ELAPOR2: variants seen among roughly 807,000 people sequenced by gnomAD.
ELAPOR2 encodes the protein endosome/lysosome-associated apoptosis and autophagy regulator family member 2.
In ELAPOR2, 89 loss-of-function variants were observed where a neutral mutation model predicts 120.7. The observed-to-expected ratio is 0.74, with a 90% CI of 0.62 to 0.88. The LOEUF (loss-of-function observed/expected upper bound fraction) is 0.88, where lower values mean the gene tolerates loss of function less well. ELAPOR2 is among the 40% of genes least tolerant of loss of function. The pLI, the probability that ELAPOR2 is intolerant of heterozygous loss-of-function variation, is 0.00. For synonymous variants in ELAPOR2, 444 were observed against 444.9 expected (o/e 1.00, Z 0.03); for missense variants, 1,134 against 1,251.6 (o/e 0.91, Z 1.42).
chr7:87,056,705 T>C (rs1448904660), intron 1 of ELAPOR2, among the ~76,000 whole-genome samples: 1 of 152,216 alleles, frequency 6.6e-6, no homozygotes, highest in Non-Finnish European at 1.5e-5. Flanking sequence ...CTTTTACCCA[T>C]AACCTAGTTT....
At chr7:86,926,990 T>C (rs1382422864) in intron 8 of ELAPOR2, 74 bp from the exon 9 acceptor site, 4 of 1,337,786 alleles carry the variant, frequency 3.0e-6, no homozygotes. Flanking sequence ...AAACTGGCAG[T>C]ATAGGAAAAG....
intron 8 of ELAPOR2, among the ~76,000 whole-genome samples, chr7:86,934,905 C>T (rs1790500771): frequency 6.6e-6 from 1 of 151,954 alleles, no homozygotes; most frequent in Admixed American, 6.6e-5. Flanking sequence ...CACTTTCCTC[C>T]CCCTCCATCT....
intron 1 of ELAPOR2, among the ~76,000 whole-genome samples, chr7:87,019,816 G>A (rs571902712): frequency 5.3e-4 from 80 of 152,178 alleles, no homozygotes; most frequent in Non-Finnish European, 9.6e-4. Flanking sequence ...TAATTAAGTA[G>A]TATTCTATAT....
At chr7:86,905,070 A>AAAAGGAAG (rs1361156377) in intron 18 of ELAPOR2, among the ~76,000 whole-genome samples, 1 of 98,148 alleles carries the variant, frequency 1.0e-5, no homozygotes, top group African/African-American at 3.9e-5. Context: ...ACAGAGAGAG[A>AAAAGGAAG]GAAGGAAGGA....
At position 86,925,539 on chromosome 7, in the gene ELAPOR2, T is replaced by C. The variant is rs1274389847; in HGVS notation, c.1388A>G (p.Asp463Gly). ...GATTTTGAACTTACCATTCATTCCA[T>C]CGCACTTTGAATTCCCAACATTGAA... ...SCFNVGNSKC[D>G]GMNGWEVAGD... Residue 463 changes from aspartate (D) to glycine (G), a missense_variant, in exon 10 of 22, where the codon GAT becomes GGT. Physicochemically the swap from Asp to Gly is moderately conservative, Grantham distance 94 (BLOSUM62 -1). Transcript: ENST00000450689. The C allele has an allele frequency of 1.2e-6, 2 of 1,611,732 alleles. No homozygotes were observed. Among genetic ancestry groups the C allele is most frequent in the South Asian group, 1.1e-5 (1 of 91,032 alleles).
intron 1 of ELAPOR2, among the ~76,000 whole-genome samples, chr7:87,040,642 G>A (rs1375755170): frequency 6.6e-6 from 1 of 152,180 alleles, no homozygotes; most frequent in Non-Finnish European, 1.5e-5. Flanking sequence ...ACCAAAAGTA[G>A]ATAAAACCAC....
At chr7:86,971,127 T>G (rs908648740) in intron 1 of ELAPOR2, among the ~76,000 whole-genome samples, 4 of 152,178 alleles carry the variant, frequency 2.6e-5, no homozygotes, top group Non-Finnish European at 5.9e-5. Flanking sequence ...GGCAATGAAC[T>G]GGTAACAACA....
intron 4 of ELAPOR2, among the ~76,000 whole-genome samples, chr7:86,943,705 A>G (rs918134511): frequency 2.0e-5 from 3 of 152,010 alleles, no homozygotes; most frequent in Admixed American, 2.0e-4. Flanking sequence ...TCTTAACTTT[A>G]TTTCAGTTTT....
At chr7:86,939,871 C>T (rs560188882) in intron 6 of ELAPOR2, 139 bp downstream of exon 6, 2 of 452,192 alleles carry the variant, frequency 4.4e-6, no homozygotes, top group African/African-American at 4.0e-5. Context: ...AAACCAGGGT[C>T]TCCAGACCTA....
At chr7:86,893,167 C>T in intron 19 of ELAPOR2, 67 bp from the exon 20 acceptor site, 1 of 1,269,628 alleles carries the variant, frequency 7.9e-7, no homozygotes, top group Non-Finnish European at 1.1e-6. Context: ...ACTGTGAAAG[C>T]TAGATTTGTC....
intron 1 of ELAPOR2, among the ~76,000 whole-genome samples, chr7:86,991,224 T>A (rs1275332755): frequency 6.6e-6 from 1 of 152,220 alleles, no homozygotes; most frequent in East Asian, 1.9e-4. Context: ...GCTTTGTGGG[T>A]GACCATATCA....
At chr7:87,008,984 C>G (rs1395878901) in intron 1 of ELAPOR2, among the ~76,000 whole-genome samples, 1 of 152,102 alleles carries the variant, frequency 6.6e-6, no homozygotes, top group African/African-American at 2.4e-5. Context: ...ACATAAGAAA[C>G]AGTTGTACAC....
At chr7:87,023,705 T>C (rs1012350865) in intron 1 of ELAPOR2, among the ~76,000 whole-genome samples, 1 of 152,174 alleles carries the variant, frequency 6.6e-6, no homozygotes, top group African/African-American at 2.4e-5. Context: ...GAGCATGGAA[T>C]GTTCTTCCAT....
chr7:86,974,647 A>G (rs1171256264), intron 1 of ELAPOR2, among the ~76,000 whole-genome samples: 1 of 151,348 alleles, frequency 6.6e-6, no homozygotes, highest in African/African-American at 2.4e-5. Context: ...GACTATAGGC[A>G]TATATACCAA....
At chr7:86,940,642 A>G (rs537681553) in intron 5 of ELAPOR2, among the ~76,000 whole-genome samples, 2 of 152,174 alleles carry the variant, frequency 1.3e-5, no homozygotes, top group South Asian at 4.2e-4. Flanking sequence ...TAATAATACT[A>G]TATGTAGTAT....
intron 8 of ELAPOR2, among the ~76,000 whole-genome samples, chr7:86,934,904 C>T (rs1790500575): frequency 6.6e-6 from 1 of 151,962 alleles, no homozygotes; most frequent in Non-Finnish European, 1.5e-5. Context: ...ACACTTTCCT[C>T]CCCCTCCATC....
chr7:86,967,422 T>C (rs1791950110), intron 1 of ELAPOR2, among the ~76,000 whole-genome samples: 1 of 152,110 alleles, frequency 6.6e-6, no homozygotes, highest in Non-Finnish European at 1.5e-5. Flanking sequence ...ACCACTGTAC[T>C]CCATCCAGCC....
chr7:86,946,313 C>A (rs1328898036), intron 3 of ELAPOR2, among the ~76,000 whole-genome samples: 1 of 152,080 alleles, frequency 6.6e-6, no homozygotes, highest in Non-Finnish European at 1.5e-5. Flanking sequence ...AATGATATAA[C>A]CATTTTGAAA....
chr7:86,983,527 A>G (rs1792593008), intron 1 of ELAPOR2, among the ~76,000 whole-genome samples: 1 of 152,342 alleles, frequency 6.6e-6, no homozygotes, highest in East Asian at 1.9e-4. Context: ...GTGGGGGCCA[A>G]TATTCAACAT....
Sources: allele counts gnomAD v4.1 joint callset (sites outside exome capture counted in the v4.1 genomes callset), GRCh38; gene constraint gnomAD v4.1.1; transcripts MANE v1.5; gene names NCBI Gene and HGNC (gene_info 2026-07-23, HGNC 2026-07-21).